Variants in CTNNBL1 observed in about 807,000 individuals in gnomAD.
The protein encoded by CTNNBL1 is catenin beta like 1.
In CTNNBL1, 31 loss-of-function variants were observed where a neutral mutation model predicts 72.7. That is an observed-to-expected ratio of 0.43 (90% CI 0.32 to 0.58). The LOEUF (loss-of-function observed/expected upper bound fraction) is 0.58. Among genes scored for constraint, CTNNBL1 ranks in the 20% least tolerant of loss-of-function variants. CTNNBL1 has a pLI of 0.08. For missense variants in CTNNBL1, 534 were observed against 725.1 expected (o/e 0.74, Z 3.03); for synonymous variants, 240 against 267.3 (o/e 0.90, Z 1.00).
chr20:37,862,784 C>G (rs2072502855), intron 15 of CTNNBL1, among the ~76,000 whole-genome samples: 1 of 151,844 alleles, frequency 6.6e-6, no homozygotes, highest in Admixed American at 6.6e-5. Flanking sequence ...ATTTCTCTCC[C>G]CATCACCCTT....
intron 1 of CTNNBL1, among the ~76,000 whole-genome samples, chr20:37,718,632 CG>C (rs1275944701): frequency 1.3e-5 from 2 of 152,102 alleles, no homozygotes; most frequent in Admixed American, 6.5e-5. Context: ...GCTGGCCAGG[CG>C]GGGGGCTGAC....
chr20:37,711,694 T>C (rs2072939641), intron 1 of CTNNBL1, among the ~76,000 whole-genome samples: 1 of 151,690 alleles, frequency 6.6e-6, no homozygotes, highest in South Asian at 2.1e-4. Context: ...CTAGAAGGCC[T>C]CTTTGAGAGG....
chr20:37,760,165 A>G (rs1165396280), intron 5 of CTNNBL1, among the ~76,000 whole-genome samples: 1 of 152,188 alleles, frequency 6.6e-6, no homozygotes, highest in Non-Finnish European at 1.5e-5. Flanking sequence ...AGCCTGGAAA[A>G]TGGACTCTTT....
intron 1 of CTNNBL1, among the ~76,000 whole-genome samples, chr20:37,697,674 A>C (rs763831414): frequency 6.6e-6 from 1 of 152,216 alleles, no homozygotes; most frequent in Non-Finnish European, 1.5e-5. Flanking sequence ...AAAGGGACTC[A>C]CCTGAGGTTG....
chr20:37,777,144 T>G, intron 7 of CTNNBL1: 2 of 527,276 alleles, frequency 3.8e-6, no homozygotes, highest in Non-Finnish European at 6.9e-6. Flanking sequence ...ATTAAGAGTG[T>G]GAGAGCCATT....
In CTNNBL1 at chr20:37,860,050, C is replaced by T. The variant is rs1159850569; in HGVS notation, c.1530+14C>T. 6.2e-7 allele frequency: 1 copy of T among 1,613,762 alleles called. No homozygotes were observed. The highest frequency in any genetic ancestry group is 1.1e-5 in the South Asian group (1 of 91,026). On this transcript the variant is annotated intron_variant, in intron 14 of 15. Coordinates refer to ENST00000361383, the MANE Select transcript of CTNNBL1 (RefSeq NM_030877.5). The stretch of plus-strand genomic sequence containing the variant: ...AATGTCCCCCAGGTAGGAGGGTCTT[C>T]CCCTGGATGGGCTTATCCATCCCTG...
At chr20:37,709,681 G>A (rs2072920847) in intron 1 of CTNNBL1, among the ~76,000 whole-genome samples, 2 of 152,172 alleles carry the variant, frequency 1.3e-5, no homozygotes, top group Non-Finnish European at 2.9e-5. Flanking sequence ...GGCAAGGGAA[G>A]GTAGAGATGC....
intron 1 of CTNNBL1, among the ~76,000 whole-genome samples, chr20:37,706,015 G>A (rs751441155): frequency 2.6e-5 from 4 of 152,186 alleles, no homozygotes; most frequent in Non-Finnish European, 5.9e-5. Context: ...TTAAAGTTCT[G>A]TTTATACTAT....
chr20:37,702,359 T>C (rs1028019954), intron 1 of CTNNBL1, among the ~76,000 whole-genome samples: 1 of 152,166 alleles, frequency 6.6e-6, no homozygotes, highest in Non-Finnish European at 1.5e-5. Context: ...CGTAATTGAG[T>C]TTTTCTGTTA....
At chr20:37,803,081 G>A in intron 11 of CTNNBL1, 33 bp downstream of exon 11, 2 of 1,587,748 alleles carry the variant, frequency 1.3e-6, no homozygotes, top group Non-Finnish European at 1.7e-6. Flanking sequence ...GCCTAATTTA[G>A]GTGCATTAGG....
At chr20:37,772,956 T>C (rs1225996149) in intron 7 of CTNNBL1, among the ~76,000 whole-genome samples, 1 of 152,204 alleles carries the variant, frequency 6.6e-6, no homozygotes, top group Non-Finnish European at 1.5e-5. Context: ...CTGCAGATGA[T>C]TGCATTAAAT....
Position 37,737,377 on chromosome 20 carries a change from G to C in CTNNBL1, c.220-1G>C. ...TTTTTGCATTTGTCTCTTTGTACCA[G>C]GAGGAGCCATTGGATGAAAGCTCAG... On this transcript the variant is annotated splice_acceptor_variant, in intron 2 of 15. Coordinates refer to ENST00000361383, the MANE Select transcript of CTNNBL1 (RefSeq NM_030877.5). LOFTEE classifies it high-confidence loss of function. 6.2e-7 allele frequency: 1 copy of C among 1,609,884 alleles called. No individual in the cohort carries two copies. Among genetic ancestry groups the C allele is most frequent in the Non-Finnish European group, 8.5e-7 (1 of 1,176,536 alleles).
At chr20:37,742,716 G>A (rs978876215) in intron 3 of CTNNBL1, among the ~76,000 whole-genome samples, 2 of 118,086 alleles carry the variant, frequency 1.7e-5, no homozygotes, top group African/African-American at 9.6e-5. Context: ...CTTTGCTCAT[G>A]TTATTGATTA....
At position 37,861,481 on chromosome 20, in the gene CTNNBL1, A is replaced by T. The variant is rs2072491239; in HGVS notation, c.1603+1137A>T. Among the ~76,000 whole-genome samples, 2 of 152,208 alleles carry T rather than the reference A, an allele frequency of 1.3e-5. 1 individual carries two copies. Among genetic ancestry groups the T allele is most frequent in the South Asian group, 4.1e-4 (2 of 4,826 alleles). Reference sequence around the variant, plus strand: ...ATGCCGGAGTTCAGGGAGTGTCCAGATGGACTGGGTAACTCTAGACAAATC... The same window carrying T: ...ATGCCGGAGTTCAGGGAGTGTCCAGTTGGACTGGGTAACTCTAGACAAATC... On this transcript the variant is annotated intron_variant, in intron 15 of 15. Coordinates refer to ENST00000361383, the MANE Select transcript of CTNNBL1 (RefSeq NM_030877.5).
At chr20:37,826,714 T>A (rs1159810821) in intron 11 of CTNNBL1, among the ~76,000 whole-genome samples, 5 of 152,208 alleles carry the variant, frequency 3.3e-5, no homozygotes, top group Admixed American at 2.6e-4. Flanking sequence ...AATTAACATT[T>A]TTCTGTATTT....
chr20:37,808,971 T>A (rs2071984854), intron 11 of CTNNBL1, among the ~76,000 whole-genome samples: 1 of 147,474 alleles, frequency 6.8e-6, no homozygotes, highest in African/African-American at 2.4e-5. Context: ...ATCAGCCCTA[T>A]GAATTCACCT....
intron 1 of CTNNBL1, among the ~76,000 whole-genome samples, chr20:37,714,098 C>T (rs1164548247): frequency 6.6e-6 from 1 of 151,934 alleles, no homozygotes; most frequent in East Asian, 1.9e-4. Context: ...GGAAGACCTT[C>T]GAGAATAAAC....
intron 1 of CTNNBL1, chr20:37,727,347 A>T (rs929221897): frequency 2.0e-6 from 2 of 985,042 alleles, no homozygotes; most frequent in Non-Finnish European, 2.4e-6. Context: ...AGGCCTCAAG[A>T]TTATTGGCGA....
intron 10 of CTNNBL1, among the ~76,000 whole-genome samples, chr20:37,792,856 A>C (rs2073738007): frequency 6.6e-6 from 1 of 152,140 alleles, no homozygotes; most frequent in Non-Finnish European, 1.5e-5. Flanking sequence ...ATCTTTATTC[A>C]ATTCAAAATA....
Sources: gnomAD v4.1 joint callset for allele counts (sites outside exome capture counted in the v4.1 genomes callset) on GRCh38, gnomAD v4.1.1 for gene constraint, MANE v1.5 for transcripts, NCBI Gene and HGNC (gene_info 2026-07-23, HGNC 2026-07-21) for gene names.